PUDP: variants seen among roughly 807,000 people sequenced by gnomAD.
PUDP encodes the protein pseudouridine-5'-phosphatase.
PUDP carries 8 observed loss-of-function variants against 9.4 expected under a neutral mutation model. The ratio of observed to expected loss-of-function variants is 0.85; its 90% CI spans 0.50 to 1.53. PUDP has a LOEUF of 1.53. Among genes scored for constraint, PUDP ranks in the 40% most tolerant of loss-of-function variants. The probability of loss-of-function intolerance (pLI) is 0.00; values close to 1 mark genes in which losing one functional copy is unlikely to be tolerated. For synonymous variants in PUDP, 99 were observed against 80.7 expected (o/e 1.23, Z -1.22); for missense variants, 188 against 189.7 (o/e 0.99, Z 0.05).
chrX:7,011,471 TTCCCTCCCTCGC>T (rs959433268), intron 1 of PUDP, among the ~76,000 whole-genome samples: 2 of 111,096 alleles, frequency 1.8e-5, no homozygotes, highest in Non-Finnish European at 1.9e-5. Context: ...TCCTCCTTTC[TTCCCTCCCTCGC>T]TCCCTCCCTC....
chrX:6,989,302 T>A (rs1602703602), intron 1 of PUDP: 3 of 111,836 alleles, frequency 2.7e-5, no homozygotes, highest in Admixed American at 9.5e-5. Flanking sequence ...AGTGGGAATG[T>A]AATAAATATT....
chrX:7,066,904 C>T (rs1006138521), intron 3 of PUDP, among the ~76,000 whole-genome samples: 1 of 111,380 alleles, frequency 9.0e-6, no homozygotes, highest in South Asian at 3.8e-4. Context: ...CACATGCATG[C>T]GCACACACAC....
chrX:6,878,604 C>G (rs750845744), intron 3 of PUDP, among the ~76,000 whole-genome samples: 15 of 112,100 alleles, frequency 1.3e-4, no homozygotes, highest in South Asian at 3.7e-4. Context: ...GTGATCCTCC[C>G]GCCTTGGCCT....
chrX:7,076,739 C>T (rs983859662), intron 3 of PUDP, among the ~76,000 whole-genome samples: 2 of 111,827 alleles, frequency 1.8e-5, no homozygotes, highest in African/African-American at 3.3e-5. Context: ...AAAAACTTGG[C>T]GATAAAAACC....
At chrX:7,063,255 T>C (rs1288358548) in intron 3 of PUDP, among the ~76,000 whole-genome samples, 2 of 112,098 alleles carry the variant, frequency 1.8e-5, no homozygotes, top group Admixed American at 1.9e-4. Context: ...TATGTGTCTG[T>C]GTGTATGAAT....
chrX:6,707,675 G>A (rs1262720713), intron 1 of PUDP, among the ~76,000 whole-genome samples: 1 of 111,408 alleles, frequency 9.0e-6, no homozygotes, highest in Admixed American at 9.5e-5. Context: ...GGTAATGTGA[G>A]TGATGGGGAG....
At chrX:6,708,330 C>G (rs886639812) in intron 1 of PUDP, among the ~76,000 whole-genome samples, 1 of 111,670 alleles carries the variant, frequency 9.0e-6, no homozygotes, top group African/African-American at 3.3e-5. Context: ...AGACTTGTCT[C>G]TCTGCCAGGG....
intron 3 of PUDP, among the ~76,000 whole-genome samples, chrX:6,944,491 C>G (rs757463091): frequency 1.2e-5 from 1 of 80,279 alleles, no homozygotes; most frequent in African/African-American, 4.7e-5. Flanking sequence ...GCCCACCCCC[C>G]ACCCATCCCC....
chrX:6,870,810 G>A (rs183621478), intron 3 of PUDP, among the ~76,000 whole-genome samples: 96 of 111,982 alleles, frequency 8.6e-4, no homozygotes, highest in Non-Finnish European at 1.6e-3. Context: ...CTCTTGATGG[G>A]AAGTGTCATA....
At chrX:6,836,351 G>A (rs1423327479) in intron 3 of PUDP, among the ~76,000 whole-genome samples, 1 of 111,782 alleles carries the variant, frequency 8.9e-6, no homozygotes, top group Non-Finnish European at 1.9e-5. Flanking sequence ...CTGTAAGTCC[G>A]AATCCTGACA....
chrX:7,140,683 AAAC>A (rs1164823421), intron 1 of PUDP, among the ~76,000 whole-genome samples: 3 of 111,951 alleles, frequency 2.7e-5, no homozygotes, highest in Admixed American at 9.5e-5. Context: ...TCAAAAAACA[AAAC>A]AAAACAAAAC....
intron 3 of PUDP, among the ~76,000 whole-genome samples, chrX:6,833,181 A>G (rs1367254938): frequency 8.9e-6 from 1 of 112,643 alleles, no homozygotes; most frequent in Non-Finnish European, 1.9e-5. Flanking sequence ...TTTCTTTCTA[A>G]TGAACACATA....
chrX:7,141,109 C>A (rs1052222643), intron 1 of PUDP, among the ~76,000 whole-genome samples: 2 of 111,861 alleles, frequency 1.8e-5, no homozygotes, highest in Non-Finnish European at 3.8e-5. Flanking sequence ...TAATTAATAA[C>A]CCTACAATGG....
intron 3 of PUDP, among the ~76,000 whole-genome samples, chrX:6,959,195 G>A (rs759254247): frequency 1.4e-4 from 16 of 111,847 alleles, no homozygotes; most frequent in Admixed American, 4.7e-4. Context: ...GAATGATCCT[G>A]AAGGTATTTC....
chrX:6,891,195 G>A (rs1170230910), intron 3 of PUDP, among the ~76,000 whole-genome samples: 1 of 111,364 alleles, frequency 9.0e-6, no homozygotes, highest in Non-Finnish European at 1.9e-5. Flanking sequence ...AATGTAACCA[G>A]AAGTTCCCAG....
At chrX:6,724,084 C>A (rs1231253488), upstream of PUDP, among the ~76,000 whole-genome samples, 1 of 111,458 alleles carries the variant, frequency 9.0e-6, no homozygotes, top group Non-Finnish European at 1.9e-5. Flanking sequence ...TTAATCTTTT[C>A]CCCTTACATT....
intron 3 of PUDP, among the ~76,000 whole-genome samples, chrX:6,849,914 A>T (rs987057243): frequency 8.9e-6 from 1 of 112,288 alleles, no homozygotes; most frequent in Non-Finnish European, 1.9e-5. Flanking sequence ...AGTACTACAC[A>T]TTCCCAAACT....
At chrX:7,117,690 G>T (rs1353507963) in intron 1 of PUDP, among the ~76,000 whole-genome samples, 1 of 113,194 alleles carries the variant, frequency 8.8e-6, no homozygotes, top group Admixed American at 9.3e-5. Context: ...AGGCTGTGGA[G>T]CAACCACTTG....
intron 3 of PUDP, among the ~76,000 whole-genome samples, chrX:6,811,165 A>T (rs1373814409): frequency 8.9e-6 from 1 of 111,760 alleles, no homozygotes; most frequent in Non-Finnish European, 1.9e-5. Context: ...TGGTTCAGAT[A>T]GCATTGATAC....
Sources: gnomAD v4.1 joint callset for allele counts (sites outside exome capture counted in the v4.1 genomes callset) on GRCh38, gnomAD v4.1.1 for gene constraint, MANE v1.5 for transcripts, NCBI Gene and HGNC (gene_info 2026-07-23, HGNC 2026-07-21) for gene names.